The following SLC6A9 variants were observed in gnomAD, a reference collection of about 807,000 sequenced individuals.
The protein encoded by SLC6A9 is solute carrier family 6 member 9.
A neutral mutation model predicts 70.9 loss-of-function variants in SLC6A9; 31 were observed. The ratio of observed to expected loss-of-function variants is 0.44; its 90% CI spans 0.33 to 0.59. The LOEUF (loss-of-function observed/expected upper bound fraction) is 0.59, where lower values mean the gene tolerates loss of function less well. SLC6A9 is among the 20% of genes least tolerant of loss of function. SLC6A9 has a pLI of 0.04. For missense variants in SLC6A9, 631 were observed against 845.2 expected, an observed-to-expected ratio of 0.75 and a Z score of 3.14; for synonymous variants, 310 against 341.3, an observed-to-expected ratio of 0.91 and a Z score of 1.01.
At chr1:44,009,702 G>A (rs2086475182) in intron 4 of SLC6A9, among the ~76,000 whole-genome samples, 1 of 152,248 alleles carries the variant, frequency 6.6e-6, no homozygotes, top group Non-Finnish European at 1.5e-5. Flanking sequence ...GGAAGGCCAG[G>A]TCAAGGTCTT....
At chr1:44,025,794 C>A (rs542325302) in intron 1 of SLC6A9, among the ~76,000 whole-genome samples, 1 of 150,266 alleles carries the variant, frequency 6.7e-6, no homozygotes. Flanking sequence ...AGCAAGACTC[C>A]GTCTCAAAAA....
intron 12 of SLC6A9, among the ~76,000 whole-genome samples, chr1:43,999,482 T>C (rs1264719907): frequency 6.6e-6 from 1 of 151,858 alleles, no homozygotes; most frequent in Non-Finnish European, 1.5e-5. Context: ...GACATCAATC[T>C]AGTCTGAATG....
chr1:44,021,665 G>GT (rs1211665490), intron 2 of SLC6A9, among the ~76,000 whole-genome samples: 1 of 152,164 alleles, frequency 6.6e-6, no homozygotes, highest in Non-Finnish European at 1.5e-5. Context: ...TCACACACAC[G>GT]CCCCTTAACA....
chr1:43,998,324 G>A (rs553497515), intron 12 of SLC6A9, among the ~76,000 whole-genome samples: 2 of 152,188 alleles, frequency 1.3e-5, no homozygotes, highest in Admixed American at 6.5e-5. Context: ...GCTCGCTATG[G>A]CTCCCCATGG....
In SLC6A9 at chr1:44,010,824, C is replaced by T; in HGVS notation, c.89G>A (p.Trp30Ter). Reference sequence around the variant, plus strand: ...CAGTACAAACTCGATCTGGTTGCCCCAGTTGCCCCGTTTGAGGTTCTGGTC... The same window carrying T: ...CAGTACAAACTCGATCTGGTTGCCCTAGTTGCCCCGTTTGAGGTTCTGGTC... ...KRDQNLKRGNWGNQIEFVLTS... is the reference protein window; with the variant it reads ...KRDQNLKRGN Residue 30 changes from tryptophan (W) to a stop codon, truncating the protein, a stop_gained, in exon 3 of 14, where the codon TGG becomes TAG. Coordinates refer to ENST00000372310, the MANE Select transcript of SLC6A9 (RefSeq NM_001024845.3). LOFTEE classifies it high-confidence loss of function. 6.2e-7 allele frequency: 1 copy of T among 1,614,220 alleles called. No homozygotes were observed. The highest frequency in any genetic ancestry group is 8.5e-7 in the Non-Finnish European group (1 of 1,180,028).
intron 2 of SLC6A9, among the ~76,000 whole-genome samples, chr1:44,015,144 A>G (rs932811708): frequency 6.6e-6 from 1 of 152,224 alleles, no homozygotes; most frequent in Non-Finnish European, 1.5e-5. Flanking sequence ...AAAAAATTAG[A>G]AAATACAGAA....
chr1:44,004,967 C>G (rs1398222478), intron 5 of SLC6A9, among the ~76,000 whole-genome samples: 1 of 152,246 alleles, frequency 6.6e-6, no homozygotes, highest in African/African-American at 2.4e-5. Context: ...CCCTCAGGAA[C>G]AGGTCCCACA....
intron 1 of SLC6A9, chr1:44,030,597 A>AGGG (rs2087090721): frequency 6.6e-6 from 1 of 152,430 alleles, no homozygotes; most frequent in Non-Finnish European, 1.5e-5. Context: ...GATTCTTCCC[A>AGGG]GGGTAGCAAC....
At chr1:44,017,038 G>T in intron 2 of SLC6A9, 1 of 1,572,188 alleles carries the variant, frequency 6.4e-7, no homozygotes, top group Non-Finnish European at 8.6e-7. Flanking sequence ...TTCCTGGAAG[G>T]TGACTGACCT....
Position 43,997,954 on chromosome 1 carries a change from G to C in SLC6A9, c.1608C>G (p.Ala536=), listed in dbSNP as rs575510500. The C allele has an allele frequency of 1.1e-5, 17 of 1,614,138 alleles. No individual in the cohort carries two copies. Among genetic ancestry groups the C allele is most frequent in the Non-Finnish European group, 1.4e-5 (16 of 1,179,992 alleles). Reference sequence around the variant, plus strand: ...GAGCCATGAGGAAGCCAATGGCCACGGCCCAGCCTGGGTACTGGTAGTGGT... The same window carrying C: ...GAGCCATGAGGAAGCCAATGGCCACCGCCCAGCCTGGGTACTGGTAGTGGT... The part of the protein sequence containing the change: ...TYNHYQYPGW[A]VAIGFLMALS... Residue 536 remains alanine, a synonymous_variant, in exon 13 of 14, where the codon GCC becomes GCG. Transcript: ENST00000372310. This position sits in a 1 kb window ranked among gnomAD's most constrained non-coding sequence, Gnocchi z 4.4.
At chr1:44,012,944 T>C (rs1210325128) in intron 2 of SLC6A9, among the ~76,000 whole-genome samples, 1 of 152,180 alleles carries the variant, frequency 6.6e-6, no homozygotes, top group African/African-American at 2.4e-5. Flanking sequence ...GGGCCCATTT[T>C]TTGGAGGGTG....
At chr1:44,015,090 CT>C (rs908527299) in intron 2 of SLC6A9, among the ~76,000 whole-genome samples, 32 of 152,160 alleles carry the variant, frequency 2.1e-4, no homozygotes, top group African/African-American at 4.3e-4. Flanking sequence ...CAATTTTGCC[CT>C]TTTTTTTCCT....
At chr1:44,008,911 G>A (rs753045561) in intron 4 of SLC6A9, among the ~76,000 whole-genome samples, 5 of 151,558 alleles carry the variant, frequency 3.3e-5, no homozygotes, top group African/African-American at 9.7e-5. Context: ...TAGTAGAGAC[G>A]GGGTTTCACT....
rs555912018 is a variant in SLC6A9 at position 44,018,361 on chromosome 1, G to A, written c.30+5887C>T. 4.6e-5 allele frequency among the ~76,000 whole-genome samples: 7 copies of A among 152,234 alleles called. No individual in the cohort carries two copies. In the East Asian group the frequency reaches 1.4e-3, roughly 29 times the overall value. ...TAATCCCAGCACTTTGGGAGGCTGAGGAGGGCAGATCACAAGGTCAGGAGT... is the reference window on the plus strand; with the variant it reads ...TAATCCCAGCACTTTGGGAGGCTGAAGAGGGCAGATCACAAGGTCAGGAGT... On this transcript the variant is annotated intron_variant, in intron 2 of 13. Transcript: ENST00000372310. This position sits in a 1 kb window ranked among gnomAD's most constrained non-coding sequence, Gnocchi z 4.2.
chr1:43,998,984 G>GC lies in SLC6A9; in HGVS notation c.1537-960_1537-959insG, dbSNP rs1553160178. ...CACCCAGAGGGCCTGGCGGGGGAAG[G>GC]GGGGGGGCAGTCCCAGCACCCTCCT... is the stretch of plus-strand genomic sequence containing the variant. On this transcript the variant is annotated intron_variant, in intron 12 of 13. Coordinates refer to ENST00000372310, the MANE Select transcript of SLC6A9 (RefSeq NM_001024845.3). 1.5e-4 allele frequency among the ~76,000 whole-genome samples: 22 copies of GC among 150,178 alleles called. 2 individuals are homozygous for GC. In the South Asian group the frequency reaches 1.5e-3, roughly 10 times the overall value.
intron 3 of SLC6A9, 195 bp downstream of exon 3, chr1:44,010,531 C>A: frequency 1.7e-6 from 1 of 578,462 alleles, no homozygotes; most frequent in East Asian, 2.9e-5. Context: ...GGCCAGCCCC[C>A]AACAACAGAC....
intron 2 of SLC6A9, chr1:44,015,960 G>T: frequency 1.4e-6 from 1 of 699,240 alleles, no homozygotes; most frequent in Non-Finnish European, 1.8e-6. Flanking sequence ...GACTCCAGGT[G>T]CCTTCAGAGT....
chr1:44,015,933 C>G (rs2086725950), intron 2 of SLC6A9: 2 of 937,542 alleles, frequency 2.1e-6, no homozygotes, highest in Admixed American at 6.2e-5. Flanking sequence ...TCAGAGCCAT[C>G]TCTGGGCACC....
chr1:44,008,924 G>A (rs369543141), intron 4 of SLC6A9, among the ~76,000 whole-genome samples: 3 of 150,082 alleles, frequency 2.0e-5, no homozygotes, highest in East Asian at 2.0e-4. Flanking sequence ...GTTTCACTGT[G>A]TTAGCCAGGA....
Sources: allele counts gnomAD v4.1 joint callset (sites outside exome capture counted in the v4.1 genomes callset), GRCh38; gene constraint gnomAD v4.1.1; non-coding constraint Gnocchi (gnomAD v3.1); transcripts MANE v1.5; gene names NCBI Gene and HGNC (gene_info 2026-07-23, HGNC 2026-07-21).